Variants in ADGRA2 observed in about 807,000 individuals in gnomAD.
ADGRA2 encodes adhesion G protein-coupled receptor A2, also known as G-protein coupled receptor 124.
A neutral mutation model predicts 98.7 loss-of-function variants in ADGRA2; 61 were observed. The ratio of observed to expected loss-of-function variants is 0.62; its 90% CI spans 0.50 to 0.76. The LOEUF is 0.76. ADGRA2 is among the 30% of genes least tolerant of loss of function. ADGRA2 has a pLI of 0.00. For synonymous variants in ADGRA2, 858 were observed against 831.5 expected (o/e 1.03, Z -0.55); for missense variants, 1,712 against 1,860.0 (o/e 0.92, Z 1.46).
chr8:37,811,923 T>C (rs374152188), intron 1 of ADGRA2, among the ~76,000 whole-genome samples: 21 of 150,244 alleles, frequency 1.4e-4, no homozygotes, highest in African/African-American at 5.1e-4. Context: ...GCCAACATGG[T>C]GAAACCCCGC....
chr8:37,808,572 G>GTC (rs947211485), intron 1 of ADGRA2, among the ~76,000 whole-genome samples: 14 of 152,024 alleles, frequency 9.2e-5, no homozygotes, highest in African/African-American at 3.1e-4. Flanking sequence ...GTGTGTGTGT[G>GTC]TGTGTGTGTG....
At chr8:37,838,458 G>T (rs958115558) in intron 14 of ADGRA2, among the ~76,000 whole-genome samples, 1 of 151,932 alleles carries the variant, frequency 6.6e-6, no homozygotes, top group Non-Finnish European at 1.5e-5. Flanking sequence ...TTGCCATGTT[G>T]GCCAGGCTGA....
At chr8:37,820,145 G>A (rs975009414) in intron 2 of ADGRA2, among the ~76,000 whole-genome samples, 5 of 152,192 alleles carry the variant, frequency 3.3e-5, no homozygotes, top group African/African-American at 1.2e-4. Context: ...CAGCTGATTG[G>A]ATGAGGCCCA....
At chr8:37,798,038 C>T (rs193070676) in intron 1 of ADGRA2, among the ~76,000 whole-genome samples, 231 of 152,292 alleles carry the variant, frequency 1.5e-3, no homozygotes, top group African/African-American at 5.3e-3. Flanking sequence ...CATCCTTGCC[C>T]CCTGGCCTGC....
rs1804353080 is a variant in ADGRA2 at position 37,797,209 on chromosome 8, C to T, written c.-60C>T. The T allele has an allele frequency of 1.7e-6, 2 of 1,181,350 alleles. No homozygotes were observed. Among genetic ancestry groups the T allele is most frequent in the African/African-American group, 1.6e-5 (1 of 62,378 alleles). The allele number at this position is 1,181,350 out of a possible 1,614,324, so 73.2% of individuals were successfully genotyped here. On this transcript the variant is annotated 5_prime_UTR_variant, in exon 1 of 19. Transcript: ENST00000412232. The surrounding 1 kb of genome is among the most constrained non-coding windows in gnomAD (Gnocchi z 5.3). ...GAGCACTCCTCCCGCACGCCTGGGT[C>T]CCTCCGGCCGGCGCGCAGCCCGGCC...
intron 13 of ADGRA2, among the ~76,000 whole-genome samples, chr8:37,837,261 T>C (rs1028906850): frequency 1.3e-5 from 2 of 152,176 alleles, no homozygotes; most frequent in African/African-American, 4.8e-5. Flanking sequence ...GTGTGTGGGT[T>C]GAGGCGGGTG....
chr8:37,797,167 A>C lies in ADGRA2; in HGVS notation c.-102A>C, dbSNP rs2129869699. ...CAGGGCCCCCCTCCACGCCCTCGGGAGCCCCGGGCCCCCGCTGAGCACTCC... is the reference window on the plus strand; with the variant it reads ...CAGGGCCCCCCTCCACGCCCTCGGGCGCCCCGGGCCCCCGCTGAGCACTCC... On this transcript the variant is annotated 5_prime_UTR_variant, in exon 1 of 19. Transcript: ENST00000412232. This position sits in a 1 kb window ranked among gnomAD's most constrained non-coding sequence, Gnocchi z 5.3. 2.2e-6 allele frequency: 2 copies of C among 903,428 alleles called. No homozygotes were observed. Among genetic ancestry groups the C allele is most frequent in the Non-Finnish European group, 2.8e-6 (2 of 710,674 alleles). The allele number at this position is 903,428 out of a possible 1,614,324, so 56.0% of individuals were successfully genotyped here.
In ADGRA2 at chr8:37,840,192, T is replaced by G; in HGVS notation, c.2583T>G (p.His861Gln). 4 of 1,612,542 alleles carry G rather than the reference T, an allele frequency of 2.5e-6. No individual in the cohort carries two copies. The highest frequency in any genetic ancestry group is 3.4e-6 in the Non-Finnish European group (4 of 1,179,898). Residue 861 changes from histidine (H) to glutamine (Q), a missense_variant, in exon 17 of 19, where the codon CAT (histidine) becomes CAG (glutamine). His to Gln is a conservative substitution (Grantham distance 24, BLOSUM62 0). Coordinates refer to ENST00000412232, the MANE Select transcript of ADGRA2 (RefSeq NM_032777.10). ...TGGGCGTGAAGGCGCGAGTGCTCCA[T>G]AAGGAGCTCACCTGGAGGGCACCCC... is the stretch of plus-strand genomic sequence containing the variant. ...LWMGVKARVL[H>Q]KELTWRAPPP...
chr8:37,837,934 C>T lies in ADGRA2; in HGVS notation c.2254C>T (p.Leu752Phe), dbSNP rs901613763. The change falls in exon 14 of 19, where the codon CTC (leucine) becomes TTC (phenylalanine). Residue 752 changes from leucine to phenylalanine, a missense_variant. Leu to Phe is a conservative substitution (Grantham distance 22). Transcript: ENST00000412232. ...CCAGCACTTGGGCAATGTGGCCGTGCTCATGGTGGGTGTGAGGAGGGGTGA... is the reference window on the plus strand; with the variant it reads ...CCAGCACTTGGGCAATGTGGCCGTGTTCATGGTGGGTGTGAGGAGGGGTGA... Reference protein sequence around the residue: ...HCQHLGNVAVLMELSAFPREV... With the variant: ...HCQHLGNVAVFMELSAFPREV... 2.1e-6 allele frequency: 3 copies of T among 1,461,126 alleles called. No individual in the cohort carries two copies. In the Admixed American group the frequency reaches 8.3e-5, roughly 40 times the overall value. 90.5% of individuals were successfully genotyped at this position (1,461,126 alleles called of 1,614,324 possible).
At chr8:37,827,392 T>C (rs1169743201) in intron 2 of ADGRA2, among the ~76,000 whole-genome samples, 1 of 152,204 alleles carries the variant, frequency 6.6e-6, no homozygotes, top group Admixed American at 6.5e-5. Flanking sequence ...GGCAGGCAGA[T>C]ACCCAGCAGG....
intron 9 of ADGRA2, 70 bp from the exon 10 acceptor site, chr8:37,833,618 G>A (rs1359981015): frequency 6.6e-7 from 1 of 1,518,972 alleles, no homozygotes; most frequent in East Asian, 2.3e-5. Context: ...ACAGAGCAGA[G>A]GGTCCCCAGG....
intron 1 of ADGRA2, among the ~76,000 whole-genome samples, chr8:37,811,510 C>G (rs962969145): frequency 4.4e-5 from 6 of 134,990 alleles, no homozygotes; most frequent in Non-Finnish European, 9.3e-5. Flanking sequence ...GAGTTTTTCT[C>G]TTGTTGCCCA....
In ADGRA2 at chr8:37,837,942, G is replaced by A. The variant is rs544469052; in HGVS notation, c.2259+3G>A. 20 of 1,460,366 alleles carry A rather than the reference G, an allele frequency of 1.4e-5. No homozygotes were observed. The highest frequency in any genetic ancestry group is 4.3e-5 in the African/African-American group (3 of 70,272). The allele number at this position is 1,460,366 out of a possible 1,614,324, so 90.5% of individuals were successfully genotyped here. A position where few individuals can be genotyped will look rare whatever the true frequency, so the allele number is the denominator to read the frequency against. On this transcript the variant is annotated splice_donor_region_variant and intron_variant, in intron 14 of 18. Coordinates refer to ENST00000412232, the MANE Select transcript of ADGRA2 (RefSeq NM_032777.10). ...TGGGCAATGTGGCCGTGCTCATGGT[G>A]GGTGTGAGGAGGGGTGACAAGTCGG... is the stretch of plus-strand genomic sequence containing the variant.
At chr8:37,816,606 AC>A (rs1804989606) in intron 2 of ADGRA2, among the ~76,000 whole-genome samples, 3 of 149,522 alleles carry the variant, frequency 2.0e-5, no homozygotes, top group South Asian at 4.2e-4. Context: ...ACACACACAC[AC>A]ACACACACAC....
At position 37,842,551 on chromosome 8, in the gene ADGRA2, C is replaced by T. The variant is rs552947472; in HGVS notation, c.*196C>T. On this transcript the variant is annotated 3_prime_UTR_variant, in exon 19 of 19. Transcript: ENST00000412232. ...AGCGACAGACAATCCCAGAAACACG[C>T]ATAATACATTTCCGTCCAGCCCGGG... 2 of 943,160 alleles carry T rather than the reference C, an allele frequency of 2.1e-6. No individual in the cohort carries two copies. Among genetic ancestry groups the T allele is most frequent in the East Asian group, 6.5e-5 (2 of 30,736 alleles). 58.4% of individuals were successfully genotyped at this position (943,160 alleles called of 1,614,324 possible). A position where few individuals can be genotyped will look rare whatever the true frequency, so the allele number is the denominator to read the frequency against.
intron 15 of ADGRA2, chr8:37,839,286 G>A (rs888968765): frequency 3.0e-6 from 2 of 665,832 alleles, no homozygotes; most frequent in Non-Finnish European, 3.7e-6. Flanking sequence ...TTTTCCCCAG[G>A]TGGGTCCACA....
Position 37,842,025 on chromosome 8 carries a change from C to T in ADGRA2, c.3687C>T (p.Ser1229=). 6.6e-7 allele frequency: 1 copy of T among 1,519,748 alleles called. No homozygotes were observed. 94.1% of individuals were successfully genotyped at this position (1,519,748 alleles called of 1,614,324 possible). The change falls in exon 19 of 19, where the codon AGC becomes AGT. Residue 1229 remains serine (S), a synonymous_variant. Coordinates refer to ENST00000412232, the MANE Select transcript of ADGRA2 (RefSeq NM_032777.10). Reference sequence around the variant, plus strand: ...GTCTGCACAACAGCCCCACCGACAGCTACCTGGGCAGCAGCCGCAACAGCC... The same window carrying T: ...GTCTGCACAACAGCCCCACCGACAGTTACCTGGGCAGCAGCCGCAACAGCC... ...SGSLHNSPTD[S]YLGSSRNSPG...
Position 37,841,378 on chromosome 8 carries a change from T to C in ADGRA2, c.3040T>C (p.Ser1014Pro). 8.1e-6 allele frequency: 13 copies of C among 1,610,826 alleles called. No individual in the cohort carries two copies. Among genetic ancestry groups the C allele is most frequent in the Non-Finnish European group, 1.0e-5 (12 of 1,178,900 alleles). ...GPPEDGDSLY[S>P]PGVQLGALVT... is the part of the protein sequence containing the mutation. ...CCCGGAGGATGGTGACAGCCTCTAT[T>C]CTCCGGGAGTCCAGCTAGGGGCGCT... Residue 1014 changes from serine to proline, a missense_variant, in exon 19 of 19, where the codon TCT becomes CCT. Coordinates refer to ENST00000412232, the MANE Select transcript of ADGRA2 (RefSeq NM_032777.10). The surrounding 1 kb of genome is among the most constrained non-coding windows in gnomAD (Gnocchi z 5.0).
chr8:37,828,391 T>G (rs1032858006), intron 2 of ADGRA2, among the ~76,000 whole-genome samples: 8 of 152,026 alleles, frequency 5.3e-5, no homozygotes, highest in African/African-American at 1.9e-4. Context: ...TGATCCCATC[T>G]CTTGGCTTCT....
Sources: allele counts gnomAD v4.1 joint callset (sites outside exome capture counted in the v4.1 genomes callset), GRCh38; gene constraint gnomAD v4.1.1; non-coding constraint Gnocchi (gnomAD v3.1); transcripts MANE v1.5; gene names NCBI Gene and HGNC (gene_info 2026-07-23, HGNC 2026-07-21).